The following IFRD1 variants were observed in gnomAD, a reference collection of about 807,000 sequenced individuals.
The protein encoded by IFRD1 is interferon-related developmental regulator 1.
In IFRD1, 35 loss-of-function variants were observed where a neutral mutation model predicts 52.9. That is an observed-to-expected ratio of 0.66 (90% confidence interval 0.51 to 0.88). The LOEUF is 0.88. IFRD1 is among the 40% of genes least tolerant of loss of function. The pLI, the probability that IFRD1 is intolerant of heterozygous loss-of-function variation, is 0.00. For missense variants in IFRD1, 517 were observed against 550.8 expected (o/e 0.94, Z 0.61); for synonymous variants, 184 against 188.4 (o/e 0.98, Z 0.19).
chr7:112,463,461 G>T (rs1440155528), intron 8 of IFRD1, among the ~76,000 whole-genome samples: 1 of 151,996 alleles, frequency 6.6e-6, no homozygotes, highest in African/African-American at 2.4e-5. Flanking sequence ...AAATTTTTAT[G>T]TGTAAAGTGG....
At chr7:112,463,302 A>G (rs1795491524) in intron 8 of IFRD1, among the ~76,000 whole-genome samples, 1 of 152,186 alleles carries the variant, frequency 6.6e-6, no homozygotes. Flanking sequence ...TAATTTAAGG[A>G]GAAAGAATAT....
At chr7:112,446,835 G>C (rs1795041680), upstream of IFRD1, among the ~76,000 whole-genome samples, 1 of 152,118 alleles carries the variant, frequency 6.6e-6, no homozygotes, top group African/African-American at 2.4e-5. Context: ...GGAGAGAGAG[G>C]TATGTGCCAA....
rs535145671 is a variant in IFRD1 at position 112,475,148 on chromosome 7, C to T, written c.1267-282C>T. Among the ~76,000 whole-genome samples the T allele has an allele frequency of 1.2e-4, 18 of 151,952 alleles. No individual in the cohort carries two copies. The East Asian group carries it at 1.7e-3, about 15-fold the overall frequency. On this transcript the variant is annotated intron_variant, in intron 11 of 11. Coordinates refer to ENST00000403825, the MANE Select transcript of IFRD1 (RefSeq NM_001550.4). ...TAATTTTTTGTATTTTTAGTAGAGA[C>T]GGGATTTCACCGTGTTAGCCAGGAT...
At position 112,456,067 on chromosome 7, in the gene IFRD1, G is replaced by A; in HGVS notation, c.265G>A (p.Asp89Asn). 6.2e-7 allele frequency: 1 copy of A among 1,602,706 alleles called. No individual in the cohort carries two copies. ...AGAGTACAAGTTGAAGGGATTAATT[G>A]ACCTAACCCTGGATAAGAGGTAGGC... The part of the protein sequence containing the change: ...DLEYKLKGLI[D>N]LTLDKSAKTR... The change falls in exon 3 of 12, where the codon GAC becomes AAC. Residue 89 changes from aspartate to asparagine, a missense_variant. Transcript: ENST00000403825.
chr7:112,455,346 G>A (rs372315658), intron 1 of IFRD1, among the ~76,000 whole-genome samples: 9 of 152,018 alleles, frequency 5.9e-5, no homozygotes, highest in East Asian at 1.9e-4. Flanking sequence ...TTTGTCAGGC[G>A]TGGTGGTGTG....
intron 11 of IFRD1, among the ~76,000 whole-genome samples, chr7:112,474,795 C>T (rs1454548339): frequency 1.3e-5 from 2 of 152,114 alleles, no homozygotes; most frequent in East Asian, 3.8e-4. Context: ...TTCTAATTGA[C>T]AGCCAAGTAG....
intron 8 of IFRD1, among the ~76,000 whole-genome samples, chr7:112,464,829 A>C (rs535748586): frequency 6.6e-6 from 1 of 152,350 alleles, no homozygotes; most frequent in East Asian, 1.9e-4. Flanking sequence ...GGACAGGGGA[A>C]GTGCTACAGC....
chr7:112,472,704 T>C (rs961226308), intron 10 of IFRD1, 62 bp from the exon 11 acceptor site: 2 of 987,572 alleles, frequency 2.0e-6, no homozygotes, highest in East Asian at 4.8e-5. Context: ...AGTCACTCTG[T>C]CTAGTGAAAA....
At chr7:112,429,622 A>T (rs762023842) in intron 1 of IFRD1, among the ~76,000 whole-genome samples, 62 of 152,228 alleles carry the variant, frequency 4.1e-4, no homozygotes, top group Non-Finnish European at 5.4e-4. Context: ...TTACTTTGTA[A>T]GATTTCTTCC....
intron 1 of IFRD1, among the ~76,000 whole-genome samples, chr7:112,440,229 T>A (rs1563259302): frequency 6.6e-6 from 1 of 152,138 alleles, no homozygotes; most frequent in Non-Finnish European, 1.5e-5. Context: ...AAGTGATCTG[T>A]CTGCCTTGGC....
At chr7:112,473,429 C>G (rs1427694569) in intron 11 of IFRD1, among the ~76,000 whole-genome samples, 2 of 142,922 alleles carry the variant, frequency 1.4e-5, no homozygotes, top group Non-Finnish European at 3.1e-5. Flanking sequence ...CTTAACATTT[C>G]TTTTTTTTTT....
rs938092647 is a variant in IFRD1, at chr7:112,454,920, G to C, written c.95-843G>C. On this transcript the variant is annotated intron_variant, in intron 1 of 11. Coordinates refer to ENST00000403825, the MANE Select transcript of IFRD1 (RefSeq NM_001550.4). ...CTTGGTCTGTCGCCCAGGCTGGAGT[G>C]CAGTGGCACCATCTTGGCTCACTGC... Among the ~76,000 whole-genome samples the C allele has an allele frequency of 2.9e-5, 4 of 138,558 alleles. No individual in the cohort carries two copies. The South Asian group carries it at 7.2e-4, about 25-fold the overall frequency. The allele number at this position is 138,558 out of a possible 152,430, so 90.9% of individuals were successfully genotyped here. A position where few individuals can be genotyped will look rare whatever the true frequency, so the allele number is the denominator to read the frequency against.
intron 1 of IFRD1, among the ~76,000 whole-genome samples, chr7:112,436,921 C>T (rs1343109516): frequency 6.6e-6 from 1 of 152,092 alleles, no homozygotes; most frequent in Non-Finnish European, 1.5e-5. Flanking sequence ...GTCCAGGGAG[C>T]TGCAAGCAAT....
At chr7:112,450,895 C>G in intron 1 of IFRD1, 113 bp downstream of exon 1, 1 of 777,282 alleles carries the variant, frequency 1.3e-6, no homozygotes, top group South Asian at 1.5e-5. Context: ...ATTTGCATTT[C>G]CAGGGTGCGT....
chr7:112,428,217 G>A (rs1794469585), intron 1 of IFRD1, among the ~76,000 whole-genome samples: 1 of 152,196 alleles, frequency 6.6e-6, no homozygotes, highest in African/African-American at 2.4e-5. Context: ...GCTGACAAAG[G>A]GGTGAGATCA....
chr7:112,455,954 T>G (rs573417710), intron 2 of IFRD1, 48 bp from the exon 3 acceptor site: 1 of 1,456,832 alleles, frequency 6.9e-7, no homozygotes, highest in African/African-American at 1.4e-5. Context: ...TATTATTCCC[T>G]GTTTTTTTTC....
At position 112,462,316 on chromosome 7, in the gene IFRD1, A is replaced by G; in HGVS notation, c.844A>G (p.Met282Val). Reference protein sequence around the residue: ...PSLLSCDDVNMRIAAGESLAL... With the variant: ...PSLLSCDDVNVRIAAGESLAL... Reference sequence around the variant, plus strand: ...CCTCCTCTCTTGTGATGATGTAAACATGAGAATAGCTGCTGGTGAATCTTT... The same window carrying G: ...CCTCCTCTCTTGTGATGATGTAAACGTGAGAATAGCTGCTGGTGAATCTTT... Residue 282 changes from methionine to valine, a missense_variant, in exon 8 of 12, where the codon ATG (methionine) becomes GTG (valine). Physicochemically the swap from Met to Val is conservative, Grantham distance 21. Coordinates refer to ENST00000403825, the MANE Select transcript of IFRD1 (RefSeq NM_001550.4). 4 of 1,613,874 alleles carry G rather than the reference A, an allele frequency of 2.5e-6. No homozygotes were observed. Among genetic ancestry groups the G allele is most frequent in the Non-Finnish European group, 3.4e-6 (4 of 1,179,850 alleles).
At chr7:112,474,968 AT>A (rs762603121) in intron 11 of IFRD1, among the ~76,000 whole-genome samples, 12 of 150,974 alleles carry the variant, frequency 7.9e-5, no homozygotes, top group Admixed American at 7.2e-4. Flanking sequence ...TTATTTATTT[AT>A]TTTTTTTGAG....
At chr7:112,440,710 G>C (rs1458993701) in intron 1 of IFRD1, among the ~76,000 whole-genome samples, 2 of 152,114 alleles carry the variant, frequency 1.3e-5, no homozygotes, top group East Asian at 3.9e-4. Context: ...GCAAATGCCT[G>C]GACAGTTTTC....
Sources: gnomAD v4.1 joint callset for allele counts (sites outside exome capture counted in the v4.1 genomes callset) on GRCh38, gnomAD v4.1.1 for gene constraint, MANE v1.5 for transcripts, NCBI Gene and HGNC (gene_info 2026-07-23, HGNC 2026-07-21) for gene names.